DMD: variants seen among roughly 807,000 people sequenced by gnomAD.
The protein encoded by DMD is dystrophin, also known as mutant dystrophin.
In DMD, 63 loss-of-function variants were observed where a neutral mutation model predicts 330.1. The ratio of observed to expected loss-of-function variants is 0.19; its 90% CI spans 0.16 to 0.24. The LOEUF (loss-of-function observed/expected upper bound fraction) is 0.24. DMD is among the 10% of genes least tolerant of loss of function. DMD has a pLI of 1.00. For missense variants in DMD, 3,344 were observed against 2,684.1 expected, an observed-to-expected ratio of 1.25 and a Z score of -5.43; for synonymous variants, 1,223 against 959.8, an observed-to-expected ratio of 1.27 and a Z score of -5.07.
intron 41 of DMD, 25 bp from the exon 42 acceptor site, chrX:32,310,301 A>AT (rs754332566): frequency 3.2e-5 from 37 of 1,159,942 alleles, no homozygotes; most frequent in Non-Finnish European, 3.6e-5. Context: ...CAAAAGAACA[A>AT]TTTTTTTTAG....
intron 42 of DMD, among the ~76,000 whole-genome samples, chrX:32,303,336 T>G (rs1211550428): frequency 1.8e-5 from 2 of 111,196 alleles, no homozygotes; most frequent in East Asian, 5.7e-4. Context: ...TCAGTACCTT[T>G]AAGTGCTAGG....
At chrX:33,241,543 G>C (rs1002884930) in intron 1 of DMD, among the ~76,000 whole-genome samples, 1 of 111,791 alleles carries the variant, frequency 8.9e-6, no homozygotes, top group Non-Finnish European at 1.9e-5. Flanking sequence ...AAGCTCTTTT[G>C]TGGTTCCAAT....
At chrX:32,671,007 T>TA (rs2061599904) in intron 9 of DMD, among the ~76,000 whole-genome samples, 1 of 110,946 alleles carries the variant, frequency 9.0e-6, no homozygotes, top group South Asian at 3.8e-4. Flanking sequence ...TTTGATGACC[T>TA]AACCCAAAGC....
At chrX:32,429,011 C>A (rs1160562148) in intron 29 of DMD, among the ~76,000 whole-genome samples, 1 of 111,037 alleles carries the variant, frequency 9.0e-6, no homozygotes, top group Non-Finnish European at 1.9e-5. Flanking sequence ...AATTAGGTGT[C>A]TAAGCTTTTT....
chrX:31,713,317 G>A (rs897533296), intron 52 of DMD, among the ~76,000 whole-genome samples: 8 of 111,867 alleles, frequency 7.2e-5, no homozygotes, highest in African/African-American at 2.6e-4. Flanking sequence ...CCTACTTTGT[G>A]CCAAACACTG....
intron 44 of DMD, among the ~76,000 whole-genome samples, chrX:31,976,788 G>A (rs1353824680): frequency 9.0e-6 from 1 of 111,715 alleles, no homozygotes; most frequent in African/African-American, 3.3e-5. Flanking sequence ...CTTCTATTCT[G>A]TGTTCACAAG....
intron 25 of DMD, among the ~76,000 whole-genome samples, chrX:32,456,359 T>A (rs1046375706): frequency 1.8e-5 from 2 of 111,149 alleles, no homozygotes; most frequent in Admixed American, 9.6e-5. Flanking sequence ...AAGGTATAAA[T>A]GTTATTTTGT....
chrX:32,366,720 C>A (rs1237681682), intron 34 of DMD, among the ~76,000 whole-genome samples: 2 of 111,792 alleles, frequency 1.8e-5, no homozygotes, highest in Admixed American at 9.5e-5. Flanking sequence ...AGGTCCTGGT[C>A]CACTCGAAAT....
At chrX:32,809,919 C>CAAAAAAAAAA (rs55898363) in intron 6 of DMD, among the ~76,000 whole-genome samples, 11 of 28,658 alleles carry the variant, frequency 3.8e-4, no homozygotes, top group African/African-American at 9.4e-4. Flanking sequence ...TTGTTTCTAC[C>CAAAAAAAAAA]AAAAAAAAAA....
chrX:33,070,673 CTATATATATATA>C (rs59422325), intron 1 of DMD, among the ~76,000 whole-genome samples: 564 of 35,628 alleles, frequency 0.016, 14 homozygotes, highest in Admixed American at 0.078. Context: ...CTCTCTCTCT[CTATATATATATA>C]TATATATATA....
chrX:33,259,135 T>C (rs7881021), intron 1 of DMD, among the ~76,000 whole-genome samples: 3,620 of 111,005 alleles, frequency 0.033, 159 homozygotes, highest in African/African-American at 0.11. Flanking sequence ...AAAACATGTT[T>C]TGTCCTAGTA....
chrX:33,011,175 T>C (rs1302741265), intron 2 of DMD, among the ~76,000 whole-genome samples: 2 of 111,481 alleles, frequency 1.8e-5, no homozygotes, highest in Non-Finnish European at 3.8e-5. Flanking sequence ...AATTCTTCTA[T>C]CATTGCCTGT....
chrX:32,895,312 C>CA (rs1386739845), intron 2 of DMD, among the ~76,000 whole-genome samples: 3 of 112,328 alleles, frequency 2.7e-5, no homozygotes, highest in East Asian at 5.6e-4. Context: ...ATGAAAGTGA[C>CA]AAAGCAAGTG....
At chrX:33,259,528 C>A (rs1343549563) in intron 1 of DMD, among the ~76,000 whole-genome samples, 2 of 99,659 alleles carry the variant, frequency 2.0e-5, no homozygotes, top group Middle Eastern at 5.2e-3. Flanking sequence ...CTCATTGGAG[C>A]ATTTTGGATT....
chrX:31,905,733 A>G (rs1282858719), intron 47 of DMD, among the ~76,000 whole-genome samples: 1 of 111,582 alleles, frequency 9.0e-6, no homozygotes, highest in Non-Finnish European at 1.9e-5. Context: ...GCATGAAAAT[A>G]GAGATGTAGT....
intron 65 of DMD, among the ~76,000 whole-genome samples, chrX:31,208,488 T>C (rs1480050995): frequency 1.8e-5 from 2 of 111,893 alleles, no homozygotes; most frequent in Non-Finnish European, 3.8e-5. Context: ...CAAACTCTTA[T>C]CAAAACTAAT....
chrX:32,677,199 A>G (rs16990579), intron 9 of DMD, among the ~76,000 whole-genome samples: 15,618 of 110,724 alleles, frequency 0.14, 2,566 homozygotes, highest in African/African-American at 0.47. Context: ...CACACAAATA[A>G]TTTATTTTTT....
chrX:33,260,257 A>T (rs1054236103), intron 1 of DMD, among the ~76,000 whole-genome samples: 1 of 111,450 alleles, frequency 9.0e-6, no homozygotes, highest in Non-Finnish European at 1.9e-5. Context: ...TGGCCATTCT[A>T]AGAGGTGCTT....
rs1012249520 is a variant in DMD, at chrX:32,842,794, A to G, written c.264+1989T>C. On this transcript the variant is annotated intron_variant, in intron 4 of 78. Transcript: ENST00000357033. ...TGCATAGTATTGTATTTCATGCTGT[A>G]TATGTACCAAATTATTATTATTTTT... Among the ~76,000 whole-genome samples the G allele has an allele frequency of 6.6e-5, 7 of 105,928 alleles. No homozygotes were observed. In the South Asian group the frequency reaches 1.2e-3, roughly 18 times the overall value. The allele number at this position is 105,928 out of a possible 115,157, so 92.0% of individuals were successfully genotyped here.
Sources: allele counts gnomAD v4.1 joint callset (sites outside exome capture counted in the v4.1 genomes callset), GRCh38; gene constraint gnomAD v4.1.1; transcripts MANE v1.5; gene names NCBI Gene and HGNC (gene_info 2026-07-23, HGNC 2026-07-21).